TBC1D2B: variants seen among roughly 807,000 people sequenced by gnomAD.
TBC1D2B encodes TBC1 domain family, member 2B.
TBC1D2B carries 64 observed loss-of-function variants against 100.8 expected under a neutral mutation model. The ratio of observed to expected loss-of-function variants is 0.64; its 90% CI spans 0.52 to 0.78. The LOEUF is 0.78. Ranked by LOEUF, TBC1D2B falls within the 30% of genes least tolerant of loss-of-function variation. The probability of loss-of-function intolerance (pLI) is 0.00; values close to 1 mark genes in which losing one functional copy is unlikely to be tolerated. For synonymous variants in TBC1D2B, 480 were observed against 479.7 expected, an observed-to-expected ratio of 1.00 and a Z score of -0.01; for missense variants, 1,052 against 1,218.4, an observed-to-expected ratio of 0.86 and a Z score of 2.03.
intron 2 of TBC1D2B, among the ~76,000 whole-genome samples, chr15:78,050,484 C>T (rs1017373640): frequency 6.6e-6 from 1 of 152,166 alleles, no homozygotes; most frequent in Non-Finnish European, 1.5e-5. Flanking sequence ...ATGAAGTAAA[C>T]GGAATGTGCT....
intron 4 of TBC1D2B, among the ~76,000 whole-genome samples, chr15:78,026,374 C>T (rs548196408): frequency 6.6e-6 from 1 of 152,098 alleles, no homozygotes; most frequent in South Asian, 2.1e-4. Flanking sequence ...AGTTTGGTCC[C>T]CTGGCTCTCC....
chr15:78,034,731 T>C, intron 3 of TBC1D2B: 1 of 985,440 alleles, frequency 1.0e-6, no homozygotes, highest in South Asian at 4.7e-5. Flanking sequence ...CGGTGCTACT[T>C]GTCAAGTCCT....
intron 7 of TBC1D2B, 47 bp from the exon 8 acceptor site, chr15:78,016,786 A>G: frequency 7.0e-7 from 1 of 1,438,262 alleles, no homozygotes; most frequent in Non-Finnish European, 9.2e-7. Flanking sequence ...AGACACAGGA[A>G]GAGCAATCTT....
At chr15:78,067,625 C>A (rs1219953710) in intron 1 of TBC1D2B, among the ~76,000 whole-genome samples, 2 of 152,244 alleles carry the variant, frequency 1.3e-5, no homozygotes, top group African/African-American at 2.4e-5. Flanking sequence ...CAAGTCCCAG[C>A]CCAGGGGCAG....
At chr15:78,031,960 G>C (rs1250120458) in intron 3 of TBC1D2B, among the ~76,000 whole-genome samples, 1 of 152,160 alleles carries the variant, frequency 6.6e-6, no homozygotes, top group Admixed American at 6.5e-5. Context: ...CCCAGGAGGA[G>C]CCCAGCATCT....
At chr15:78,044,026 A>AG (rs1166437386) in intron 3 of TBC1D2B, among the ~76,000 whole-genome samples, 2 of 142,586 alleles carry the variant, frequency 1.4e-5, no homozygotes, top group East Asian at 3.9e-4. Context: ...CCTTATCTTA[A>AG]AAAAAAAAAA....
chr15:78,012,712 T>C (rs16969405), intron 9 of TBC1D2B, 111 bp downstream of exon 9: 35,422 of 1,235,946 alleles, frequency 0.029, 975 homozygotes, highest in African/African-American at 0.12. Context: ...CTTTTTTCTC[T>C]TAAAATATTG....
intron 1 of TBC1D2B, among the ~76,000 whole-genome samples, chr15:78,069,460 AAAT>A (rs2073712000): frequency 6.6e-6 from 1 of 152,250 alleles, no homozygotes; most frequent in Non-Finnish European, 1.5e-5. Context: ...CATAACATAT[AAAT>A]ACATCAACCC....
chr15:78,003,984 C>A (rs184265419), intron 10 of TBC1D2B, among the ~76,000 whole-genome samples: 1 of 152,178 alleles, frequency 6.6e-6, no homozygotes. Context: ...AGGACTCCGG[C>A]GTCACATGAA....
chr15:78,051,384 G>C (rs544140216), intron 2 of TBC1D2B, among the ~76,000 whole-genome samples: 3 of 152,232 alleles, frequency 2.0e-5, no homozygotes, highest in Admixed American at 6.5e-5. Context: ...TCAATTCCCA[G>C]AGCCACAGTT....
intron 6 of TBC1D2B, 106 bp from the exon 7 acceptor site, chr15:78,018,063 C>A: frequency 1.7e-6 from 1 of 583,706 alleles, no homozygotes. Context: ...AATAGCCCTG[C>A]TAAGTTAGAG....
intron 10 of TBC1D2B, among the ~76,000 whole-genome samples, chr15:78,006,431 A>C (rs965464562): frequency 6.6e-6 from 1 of 152,240 alleles, no homozygotes; most frequent in South Asian, 2.1e-4. Flanking sequence ...AAGCAATCAC[A>C]GGGAGACCAG....
At chr15:78,045,188 T>G in intron 2 of TBC1D2B, 120 bp from the exon 3 acceptor site, 1 of 869,248 alleles carries the variant, frequency 1.2e-6, no homozygotes, top group Non-Finnish European at 1.7e-6. Flanking sequence ...TAGTATATTT[T>G]TAATGTATAC....
In TBC1D2B at chr15:77,998,137, G is replaced by T; in HGVS notation, c.*23C>A. 1 of 1,490,814 alleles carries T rather than the reference G, an allele frequency of 6.7e-7. No homozygotes were observed. The highest frequency in any genetic ancestry group is 9.0e-7 in the Non-Finnish European group (1 of 1,115,426). The allele number at this position is 1,490,814 out of a possible 1,614,324, so 92.3% of individuals were successfully genotyped here. ...GGGCACACTTTGGTTGTGAAGGAAG[G>T]AAGAGCAGCATCCCGAGCCCACTCA... On this transcript the variant is annotated 3_prime_UTR_variant, in exon 13 of 13. Coordinates refer to ENST00000300584, the MANE Select transcript of TBC1D2B (RefSeq NM_144572.2).
chr15:78,001,538 C>G, intron 12 of TBC1D2B, 81 bp downstream of exon 12: 1 of 1,475,646 alleles, frequency 6.8e-7, no homozygotes, highest in Non-Finnish European at 9.0e-7. Flanking sequence ...AGTTGGAAGA[C>G]AGCAAGGACA....
At chr15:78,075,127 C>T (rs971370019) in intron 1 of TBC1D2B, among the ~76,000 whole-genome samples, 3 of 151,556 alleles carry the variant, frequency 2.0e-5, no homozygotes, top group African/African-American at 4.9e-5. Flanking sequence ...AAGTTCAAGT[C>T]CATCGAAGTT....
intron 1 of TBC1D2B, among the ~76,000 whole-genome samples, chr15:78,064,465 G>A (rs1236913340): frequency 6.6e-6 from 1 of 152,166 alleles, no homozygotes; most frequent in East Asian, 1.9e-4. Context: ...ATAATTTTGG[G>A]TATCCATTTC....
Position 78,013,111 on chromosome 15 carries a change from G to A in TBC1D2B, c.1982C>T (p.Ala661Val), listed in dbSNP as rs781029381. 2.4e-5 allele frequency: 39 copies of A among 1,613,838 alleles called. No homozygotes were observed. The highest frequency in any genetic ancestry group is 1.6e-4 in the South Asian group (15 of 91,080). ...CSPELKNLIR[A>V]GIPHEHRSKV... ...GGAACGGTGCTCGTGGGGAATGCCCGCACGGATGAGGTTTTTTAACTCTGG... is the reference window on the plus strand; with the variant it reads ...GGAACGGTGCTCGTGGGGAATGCCCACACGGATGAGGTTTTTTAACTCTGG... Residue 661 changes from alanine (A) to valine (V), a missense_variant, in exon 9 of 13, where the codon GCG (alanine) becomes GTG (valine). Coordinates refer to ENST00000300584, the MANE Select transcript of TBC1D2B (RefSeq NM_144572.2).
At chr15:78,050,229 T>C (rs2073285132) in intron 2 of TBC1D2B, among the ~76,000 whole-genome samples, 1 of 152,100 alleles carries the variant, frequency 6.6e-6, no homozygotes. Flanking sequence ...ACACAAGCTG[T>C]TAAAAGTGTA....
Sources: allele counts gnomAD v4.1 joint callset (sites outside exome capture counted in the v4.1 genomes callset), GRCh38; gene constraint gnomAD v4.1.1; transcripts MANE v1.5; gene names NCBI Gene and HGNC (gene_info 2026-07-23, HGNC 2026-07-21).